Variants in STARD13 observed in about 807,000 individuals in gnomAD.
STARD13 encodes the protein stAR-related lipid transfer protein 13.
Under a neutral mutation model 106.4 loss-of-function variants are expected in STARD13, and 62 were observed. The observed-to-expected ratio is 0.58, with a 90% confidence interval of 0.48 to 0.72. The LOEUF is 0.72. STARD13 is among the 30% of genes least tolerant of loss of function. STARD13 has a pLI of 0.00. For missense variants in STARD13, 1,387 were observed against 1,424.0 expected, an observed-to-expected ratio of 0.97 and a Z score of 0.42; for synonymous variants, 565 against 553.0, an observed-to-expected ratio of 1.02 and a Z score of -0.31.
At chr13:33,162,760 T>A (rs1025979121) in intron 3 of STARD13, among the ~76,000 whole-genome samples, 2 of 152,182 alleles carry the variant, frequency 1.3e-5, no homozygotes, top group Non-Finnish European at 1.5e-5. Context: ...ATCAGCATTT[T>A]TTTTTTTCAA....
At chr13:33,434,880 G>A in the STARD13 span, among the ~76,000 whole-genome samples, 2 of 125,994 alleles carry the variant, frequency 1.6e-5, no homozygotes. Context: ...AAGAAAGGAA[G>A]GGAGGGAAGG....
At chr13:33,195,426 T>C (rs774498623) in intron 1 of STARD13, among the ~76,000 whole-genome samples, 7 of 152,188 alleles carry the variant, frequency 4.6e-5, no homozygotes, top group Non-Finnish European at 8.8e-5. Flanking sequence ...CATTTTTCTC[T>C]CAGGAGACTG....
intron 1 of STARD13, among the ~76,000 whole-genome samples, chr13:33,244,675 T>TG (rs1011593567): frequency 3.3e-5 from 5 of 152,056 alleles, no homozygotes; most frequent in Non-Finnish European, 7.4e-5. Context: ...CTAGCCTCCT[T>TG]GGGGATAAGA....
chr13:33,497,238 TA>T, the STARD13 span, among the ~76,000 whole-genome samples: 1 of 152,172 alleles, frequency 6.6e-6, no homozygotes, highest in Non-Finnish European at 1.5e-5. Context: ...TTGTTGACGT[TA>T]TGTGCTAAAT....
intron 5 of STARD13, among the ~76,000 whole-genome samples, chr13:33,127,880 T>A (rs950522305): frequency 2.3e-3 from 82 of 35,262 alleles, no homozygotes; most frequent in South Asian, 0.01. Flanking sequence ...TGTGTGTGTG[T>A]ATGTGAGAGA....
In STARD13 at chr13:33,323,870, A is replaced by G. The variant is rs146644934; in HGVS notation, c.124+26420T>C. Reference sequence around the variant, plus strand: ...TTATTCCCTTTTGGTCTGGTTTCACAGTCTCTACTGAGGGAAACAAAAACA... The same window carrying G: ...TTATTCCCTTTTGGTCTGGTTTCACGGTCTCTACTGAGGGAAACAAAAACA... On this transcript the variant is annotated intron_variant, in intron 1 of 5. Transcript: ENST00000567873. Among the ~76,000 whole-genome samples the G allele has an allele frequency of 2.6e-5, 4 of 152,300 alleles. No homozygotes were observed. The East Asian group carries it at 7.7e-4, about 29-fold the overall frequency.
chr13:33,614,831 G>A, the STARD13 span, among the ~76,000 whole-genome samples: 1 of 152,094 alleles, frequency 6.6e-6, no homozygotes, highest in African/African-American at 2.4e-5. Flanking sequence ...AGGCTGGGGA[G>A]GGGTGAGTGA....
intron 3 of STARD13, among the ~76,000 whole-genome samples, chr13:33,161,319 CTTT>C (rs761268263): frequency 6.9e-6 from 1 of 144,618 alleles, no homozygotes; most frequent in Non-Finnish European, 1.5e-5. Context: ...TGTTTTATAT[CTTT>C]TTTTTTTTTT....
At chr13:33,137,270 A>G (rs1444233906) in intron 4 of STARD13, among the ~76,000 whole-genome samples, 2 of 152,222 alleles carry the variant, frequency 1.3e-5, no homozygotes, top group Non-Finnish European at 2.9e-5. Flanking sequence ...AGATTGAGCA[A>G]AGGTCTGCAA....
the STARD13 span, among the ~76,000 whole-genome samples, chr13:33,627,965 C>CTTTT: frequency 7.5e-5 from 11 of 147,224 alleles, 1 homozygote; most frequent in African/African-American, 2.9e-4. Context: ...TCTTTTTTTT[C>CTTTT]TTTCTTTTTT....
At chr13:33,297,391 C>A (rs6561827) in intron 1 of STARD13, among the ~76,000 whole-genome samples, 145,634 of 152,298 alleles carry the variant, frequency 0.96, 69,968 homozygotes, top group East Asian at 1. Flanking sequence ...AACAAAAGCT[C>A]CTCACAATCT....
chr13:33,508,567 C>T, the STARD13 span, among the ~76,000 whole-genome samples: 3 of 152,182 alleles, frequency 2.0e-5, no homozygotes, highest in Admixed American at 2.0e-4. Flanking sequence ...CGAACCCTAA[C>T]CAATACAGTA....
the STARD13 span, among the ~76,000 whole-genome samples, chr13:33,563,877 A>G: frequency 6.8e-6 from 1 of 147,582 alleles, no homozygotes; most frequent in East Asian, 2.0e-4. Flanking sequence ...ACTTAGTAGC[A>G]CACACACGAA....
chr13:33,362,187 T>C, the STARD13 span, among the ~76,000 whole-genome samples: 1 of 151,974 alleles, frequency 6.6e-6, no homozygotes, highest in Non-Finnish European at 1.5e-5. Flanking sequence ...TGGCTTCTGG[T>C]GAGGGCCTCA....
the STARD13 span, among the ~76,000 whole-genome samples, chr13:33,599,729 A>G: frequency 2.6e-5 from 4 of 152,214 alleles, no homozygotes; most frequent in African/African-American, 9.6e-5. Flanking sequence ...GGAGAGAGAG[A>G]CAGAGAAAGA....
intron 1 of STARD13, among the ~76,000 whole-genome samples, chr13:33,255,725 T>C (rs2138303490): frequency 6.6e-6 from 1 of 152,198 alleles, no homozygotes; most frequent in East Asian, 1.9e-4. Context: ...CTTAACTTCA[T>C]TTCTGCCACA....
chr13:33,304,710 C>T (rs1220869767), intron 1 of STARD13, among the ~76,000 whole-genome samples: 2 of 151,962 alleles, frequency 1.3e-5, no homozygotes, highest in African/African-American at 2.4e-5. Flanking sequence ...TATATTGTAC[C>T]CCCACGAGAC....
the STARD13 span, among the ~76,000 whole-genome samples, chr13:33,563,737 CAGCCTAAA>C: frequency 6.8e-6 from 1 of 147,462 alleles, no homozygotes; most frequent in African/African-American, 2.5e-5. Flanking sequence ...GAATTACATC[CAGCCTAAA>C]AGCTTTTGCA....
intron 4 of STARD13, among the ~76,000 whole-genome samples, chr13:33,131,955 G>T (rs1380428345): frequency 6.6e-6 from 1 of 152,336 alleles, no homozygotes; most frequent in East Asian, 1.9e-4. Context: ...TTGTTCAATT[G>T]CCTACTAATC....
Sources: allele counts gnomAD v4.1 joint callset (sites outside exome capture counted in the v4.1 genomes callset), GRCh38; gene constraint gnomAD v4.1.1; transcripts MANE v1.5; gene names NCBI Gene and HGNC (gene_info 2026-07-23, HGNC 2026-07-21).